Variants in PIK3C2A observed in about 807,000 individuals in gnomAD.
PIK3C2A encodes phosphatidylinositol-4-phosphate 3-kinase catalytic subunit type 2 alpha, also known as phosphatidylinositol 4-phosphate 3-kinase C2 domain-containing subunit alpha.
PIK3C2A carries 97 observed loss-of-function variants against 204.5 expected under a neutral mutation model. That is an observed-to-expected ratio of 0.47 (90% CI 0.40 to 0.56). The LOEUF is 0.56. Ranked by LOEUF, PIK3C2A falls within the 20% of genes least tolerant of loss-of-function variation. The pLI is 0.00. For missense variants in PIK3C2A, 1,735 were observed against 1,969.2 expected (o/e 0.88, Z 2.25); for synonymous variants, 653 against 664.4 (o/e 0.98, Z 0.26).
chr11:17,200,890 T>C (rs2137581841), intron 1 of PIK3C2A, among the ~76,000 whole-genome samples: 1 of 152,318 alleles, frequency 6.6e-6, no homozygotes, highest in South Asian at 2.1e-4. Flanking sequence ...TAAATGTCAT[T>C]ATGAGATCTA....
chr11:17,100,249 C>CGG (rs71047528), intron 25 of PIK3C2A, among the ~76,000 whole-genome samples: 2,647 of 46,316 alleles, frequency 0.057, 160 homozygotes, highest in South Asian at 0.073. Context: ...TTTTTGGGGG[C>CGG]GGGGGGGGGG....
At chr11:17,138,431 TTATC>T (rs1227630619) in intron 8 of PIK3C2A, among the ~76,000 whole-genome samples, 1 of 152,124 alleles carries the variant, frequency 6.6e-6, no homozygotes, top group Non-Finnish European at 1.5e-5. Context: ...TTGGCTAAAT[TTATC>T]TAGCAGGTTT....
In PIK3C2A at chr11:17,120,298, A is replaced by T. The variant is rs1375497516; in HGVS notation, c.2658-324T>A. ...GAGTTGAAAAAGCAGATCCCACCCT[A>T]AGAGATAGCAAGGATTTCATCCATT... On this transcript the variant is annotated intron_variant, in intron 15 of 32. Transcript: ENST00000691414. 2.0e-5 allele frequency among the ~76,000 whole-genome samples: 3 copies of T among 152,088 alleles called. No homozygotes were observed. The East Asian group carries it at 5.8e-4, about 29-fold the overall frequency.
At chr11:17,150,114 A>G (rs1166897229) in intron 4 of PIK3C2A, among the ~76,000 whole-genome samples, 2 of 152,218 alleles carry the variant, frequency 1.3e-5, no homozygotes, top group African/African-American at 4.8e-5. Context: ...GATTAAAATA[A>G]AAGAGAATTA....
intron 3 of PIK3C2A, among the ~76,000 whole-genome samples, chr11:17,152,720 T>A (rs1850461377): frequency 1.3e-5 from 2 of 152,264 alleles, no homozygotes; most frequent in South Asian, 4.1e-4. Context: ...ATTCAGTATC[T>A]CTATGCAGAA....
chr11:17,100,253 G>GA (rs1447592829), intron 25 of PIK3C2A, among the ~76,000 whole-genome samples: 2 of 122,758 alleles, frequency 1.6e-5, no homozygotes, highest in African/African-American at 2.9e-5. Flanking sequence ...TGGGGGCGGG[G>GA]GGGGGGGGCA....
intron 8 of PIK3C2A, among the ~76,000 whole-genome samples, chr11:17,145,094 G>A (rs974481196): frequency 1.3e-4 from 20 of 152,042 alleles, no homozygotes; most frequent in African/African-American, 4.8e-4. Context: ...GCTCATAGGT[G>A]GAAGGGATTT....
intron 29 of PIK3C2A, 34 bp downstream of exon 29, chr11:17,092,125 T>A (rs1240217415): frequency 6.8e-7 from 1 of 1,475,352 alleles, no homozygotes; most frequent in South Asian, 1.1e-5. Flanking sequence ...ACAAAAGGTA[T>A]AAGATGTTAT....
At position 17,123,020 on chromosome 11, in the gene PIK3C2A, AAG is replaced by A. The variant is rs367974238; in HGVS notation, c.2400-209_2400-208del. ...TGTATTGAAATGTAGGGTGGGAACA[AAG>A]AGAGGGAGAATTAAAGGACATTATC... On this transcript the variant is annotated intron_variant, in intron 13 of 32. Coordinates refer to ENST00000691414, the MANE Select transcript of PIK3C2A (RefSeq NM_002645.4). Among the ~76,000 whole-genome samples, 58 of 152,278 alleles carry A rather than the reference AAG, an allele frequency of 3.8e-4. 1 individual carries two copies. In the South Asian group the frequency reaches 0.012, roughly 30 times the overall value.
chr11:17,096,956 A>G, intron 27 of PIK3C2A, 101 bp downstream of exon 27: 1 of 694,124 alleles, frequency 1.4e-6, no homozygotes, highest in Non-Finnish European at 2.5e-6. Flanking sequence ...ACAAGCATGA[A>G]TAGAACAAAT....
At chr11:17,102,504 A>G (rs995906002) in intron 24 of PIK3C2A, among the ~76,000 whole-genome samples, 158 bp downstream of exon 24, 1 of 152,206 alleles carries the variant, frequency 6.6e-6, no homozygotes, top group Non-Finnish European at 1.5e-5. Context: ...ATTTACACAC[A>G]TTCTTGTCTA....
At chr11:17,201,525 CAAAAAAAA>C (rs869055451) in intron 1 of PIK3C2A, among the ~76,000 whole-genome samples, 1 of 29,004 alleles carries the variant, frequency 3.4e-5, no homozygotes, top group East Asian at 1.5e-3. Flanking sequence ...GACTCCGTCT[CAAAAAAAA>C]AAAAAAAAAA....
intron 22 of PIK3C2A, 73 bp downstream of exon 22, chr11:17,110,359 G>A: frequency 8.9e-7 from 1 of 1,119,962 alleles, no homozygotes; most frequent in South Asian, 1.5e-5. Flanking sequence ...GCATCAGGAT[G>A]TTTACGGCAG....
At chr11:17,167,042 G>A (rs1249039805) in intron 2 of PIK3C2A, among the ~76,000 whole-genome samples, 1 of 151,916 alleles carries the variant, frequency 6.6e-6, no homozygotes, top group African/African-American at 2.4e-5. Context: ...ACAATCATGG[G>A]TCACAGCAGT....
At chr11:17,170,541 T>G (rs1851122722) in intron 1 of PIK3C2A, among the ~76,000 whole-genome samples, 1 of 152,176 alleles carries the variant, frequency 6.6e-6, no homozygotes, top group African/African-American at 2.4e-5. Flanking sequence ...ATACCAAAAT[T>G]TCTCCTTTTC....
Position 17,118,632 on chromosome 11 carries a change from A to C in PIK3C2A, c.3035+13T>G. ...GAATGGAAATACGGTAATCAATAAA[A>C]TTTAAATCTTACCAATATAAATTGT... is the stretch of plus-strand genomic sequence containing the variant. On this transcript the variant is annotated intron_variant, in intron 18 of 32. Transcript: ENST00000691414. 1 of 1,232,462 alleles carries C rather than the reference A, an allele frequency of 8.1e-7. No individual in the cohort carries two copies. The highest frequency in any genetic ancestry group is 1.2e-6 in the Non-Finnish European group (1 of 842,284). 76.3% of individuals were successfully genotyped at this position (1,232,462 alleles called of 1,614,324 possible).
At chr11:17,120,746 C>T (rs1394796740) in intron 15 of PIK3C2A, among the ~76,000 whole-genome samples, 1 of 152,094 alleles carries the variant, frequency 6.6e-6, no homozygotes, top group Non-Finnish European at 1.5e-5. Context: ...CACTATTCTA[C>T]TCCTGGTTTT....
intron 27 of PIK3C2A, among the ~76,000 whole-genome samples, chr11:17,096,020 C>T (rs1848444413): frequency 6.6e-6 from 1 of 151,412 alleles, no homozygotes; most frequent in Non-Finnish European, 1.5e-5. Context: ...TGAAGGAAAA[C>T]TTGTTTTGCT....
intron 12 of PIK3C2A, among the ~76,000 whole-genome samples, chr11:17,130,470 C>T (rs1381998139): frequency 6.6e-6 from 1 of 152,118 alleles, no homozygotes; most frequent in Non-Finnish European, 1.5e-5. Flanking sequence ...AGTTCTGCAA[C>T]TGTCTATCTG....
Sources: gnomAD v4.1 joint callset for allele counts (sites outside exome capture counted in the v4.1 genomes callset) on GRCh38, gnomAD v4.1.1 for gene constraint, MANE v1.5 for transcripts, NCBI Gene and HGNC (gene_info 2026-07-23, HGNC 2026-07-21) for gene names.